AP4E1: variants seen among roughly 807,000 people sequenced by gnomAD.
AP4E1 encodes the protein AP-4 complex subunit epsilon-1.
AP4E1 carries 56 observed loss-of-function variants against 128.2 expected under a neutral mutation model. That is an observed-to-expected ratio of 0.44 (90% CI 0.35 to 0.55). The LOEUF is 0.55. Among genes scored for constraint, AP4E1 ranks in the 20% least tolerant of loss-of-function variants. The pLI, the probability that AP4E1 is intolerant of heterozygous loss-of-function variation, is 0.00. For synonymous variants in AP4E1, 484 were observed against 473.1 expected (o/e 1.02, Z -0.30); for missense variants, 1,324 against 1,307.7 (o/e 1.01, Z -0.19).
intron 16 of AP4E1, among the ~76,000 whole-genome samples, chr15:50,992,625 C>T (rs947013559): frequency 1.2e-4 from 19 of 152,146 alleles, no homozygotes; most frequent in Non-Finnish European, 1.5e-5. Flanking sequence ...GGGTAGGACA[C>T]CTGGCTCCTA....
chr15:50,977,975 C>A (rs1271806020), intron 15 of AP4E1, among the ~76,000 whole-genome samples: 1 of 152,140 alleles, frequency 6.6e-6, no homozygotes, highest in Non-Finnish European at 1.5e-5. Context: ...TCCAAAAATT[C>A]TGGGATTACA....
chr15:50,954,845 T>C (rs1393645892), intron 13 of AP4E1, among the ~76,000 whole-genome samples: 2 of 152,068 alleles, frequency 1.3e-5, no homozygotes, highest in Non-Finnish European at 2.9e-5. Context: ...CCCTCTGCCG[T>C]CCCCCTACCC....
chr15:50,985,147 A>G (rs1167432240), intron 16 of AP4E1, among the ~76,000 whole-genome samples: 4 of 151,662 alleles, frequency 2.6e-5, no homozygotes, highest in Admixed American at 6.6e-5. Context: ...CCACTTTTTG[A>G]TGGGGTTGTT....
intron 3 of AP4E1, chr15:50,918,104 GAA>G (rs896043190): frequency 1.4e-5 from 2 of 144,338 alleles, no homozygotes; most frequent in African/African-American, 2.5e-5. Context: ...TGTCTCAAAA[GAA>G]AAAAAAAAAG....
At chr15:50,960,784 C>T (rs986498013) in intron 14 of AP4E1, among the ~76,000 whole-genome samples, 1 of 149,842 alleles carries the variant, frequency 6.7e-6, no homozygotes, top group Non-Finnish European at 1.5e-5. Flanking sequence ...AAAGATCAGA[C>T]CAGAAATAAA....
chr15:50,940,763 T>C lies in AP4E1; in HGVS notation c.944-679T>C, dbSNP rs945699542. Among the ~76,000 whole-genome samples the C allele has an allele frequency of 3.3e-5, 5 of 152,308 alleles. No homozygotes were observed. The South Asian group carries it at 1.0e-3, about 32-fold the overall frequency. On this transcript the variant is annotated intron_variant, in intron 8 of 20. Transcript: ENST00000261842. The stretch of plus-strand genomic sequence containing the variant: ...AAACTTTAGTGTCCATTTTGATCAT[T>C]CACTTTGATCATCTGTCATAGTGAT...
intron 1 of AP4E1, among the ~76,000 whole-genome samples, chr15:50,911,085 T>C (rs1229057183): frequency 6.6e-6 from 1 of 152,256 alleles, no homozygotes; most frequent in East Asian, 1.9e-4. Context: ...AAACTGTAGA[T>C]AGGCATCCAC....
At chr15:50,986,890 C>T (rs373686755) in intron 16 of AP4E1, among the ~76,000 whole-genome samples, 1 of 152,160 alleles carries the variant, frequency 6.6e-6, no homozygotes, top group East Asian at 1.9e-4. Context: ...ATGGTACTAG[C>T]TCCTCCTTGT....
intron 7 of AP4E1, among the ~76,000 whole-genome samples, chr15:50,933,651 C>T (rs536937286): frequency 2.6e-5 from 4 of 152,028 alleles, no homozygotes; most frequent in African/African-American, 9.6e-5. Flanking sequence ...CACAATAAAA[C>T]GAAGGATTTT....
At chr15:50,961,442 A>G (rs1008291515) in intron 14 of AP4E1, among the ~76,000 whole-genome samples, 2 of 151,908 alleles carry the variant, frequency 1.3e-5, no homozygotes, top group African/African-American at 4.8e-5. Flanking sequence ...AAATGCAAGG[A>G]TGGTTGAACA....
chr15:50,947,188 G>A (rs1038997951), intron 10 of AP4E1, among the ~76,000 whole-genome samples: 2 of 152,136 alleles, frequency 1.3e-5, no homozygotes, highest in South Asian at 2.1e-4. Context: ...GGCCAAGGTG[G>A]GAGGATCACT....
intron 15 of AP4E1, among the ~76,000 whole-genome samples, chr15:50,969,137 T>C (rs1199421135): frequency 6.6e-6 from 1 of 152,098 alleles, no homozygotes; most frequent in Non-Finnish European, 1.5e-5. Flanking sequence ...CCCATTAGTT[T>C]TCCTGATCCT....
At chr15:50,933,886 A>AT (rs565389793) in intron 7 of AP4E1, among the ~76,000 whole-genome samples, 27 of 150,422 alleles carry the variant, frequency 1.8e-4, no homozygotes, top group South Asian at 4.2e-4. Flanking sequence ...TGTTGCTGGT[A>AT]TTTTTTTTTT....
At chr15:50,917,936 C>T (rs2063649661) in intron 3 of AP4E1, 1 of 152,140 alleles carries the variant, frequency 6.6e-6, no homozygotes, top group Non-Finnish European at 1.5e-5. Flanking sequence ...CCCATCTCTA[C>T]AAAAAATACA....
intron 13 of AP4E1, among the ~76,000 whole-genome samples, chr15:50,952,115 G>A (rs541883659): frequency 2.6e-5 from 4 of 152,086 alleles, no homozygotes; most frequent in African/African-American, 9.7e-5. Context: ...GTTTTGCTGA[G>A]CTGTTTAGAA....
chr15:50,977,042 T>A (rs1596498803), intron 15 of AP4E1, among the ~76,000 whole-genome samples: 1 of 152,238 alleles, frequency 6.6e-6, no homozygotes, highest in East Asian at 1.9e-4. Flanking sequence ...TCTCATTAAC[T>A]TTTTATATAT....
Position 50,941,749 on chromosome 15 carries a change from C to A in AP4E1, c.1150C>A (p.His384Asn). Residue 384 changes from histidine to asparagine, a missense_variant, in exon 10 of 21, where the codon CAT becomes AAT. Transcript: ENST00000261842. The part of the protein sequence containing the change: ...HQMTIIECLD[H>N]PDPIIKRETL... The stretch of plus-strand genomic sequence containing the variant: ...GATGACAATAATTGAATGTTTAGAT[C>A]ATCCTGATCCCATTATTAAAAGAGA... The A allele has an allele frequency of 6.2e-7, 1 of 1,610,750 alleles. No individual in the cohort carries two copies. The highest frequency in any genetic ancestry group is 2.2e-5 in the East Asian group (1 of 44,804).
Position 50,998,923 on chromosome 15 carries a change from G to T in AP4E1, c.2905-149G>T, listed in dbSNP as rs2064919052. 4 of 691,296 alleles carry T rather than the reference G, an allele frequency of 5.8e-6. 1 individual carries two copies. Among genetic ancestry groups the T allele is most frequent in the Admixed American group, 2.8e-5 (1 of 36,156 alleles). The allele number at this position is 691,296 out of a possible 1,614,324, so 42.8% of individuals were successfully genotyped here. A position where few individuals can be genotyped will look rare whatever the true frequency, so the allele number is the denominator to read the frequency against. On this transcript the variant is annotated intron_variant, in intron 18 of 20. Transcript: ENST00000261842. ...TTCTAGTGAATTTTTCTCAAGTGAA[G>T]TTGCCAGTCATCTTCATAATGTAGT...
chr15:50,910,630 C>G (rs1049675864), intron 1 of AP4E1, among the ~76,000 whole-genome samples: 45 of 152,162 alleles, frequency 3.0e-4, no homozygotes, highest in African/African-American at 1.0e-3. Context: ...GCTTCACATT[C>G]CAGAATCATT....
Sources: allele counts gnomAD v4.1 joint callset (sites outside exome capture counted in the v4.1 genomes callset), GRCh38; gene constraint gnomAD v4.1.1; transcripts MANE v1.5; gene names NCBI Gene and HGNC (gene_info 2026-07-23, HGNC 2026-07-21).